The following KSR2 variants were observed in gnomAD, a reference collection of about 807,000 sequenced individuals.
KSR2 encodes the protein kinase suppressor of ras 2.
A neutral mutation model predicts 107.8 loss-of-function variants in KSR2; 25 were observed. The observed-to-expected ratio is 0.23, with a 90% confidence interval of 0.17 to 0.32. The LOEUF is 0.32. Ranked by LOEUF, KSR2 falls within the 10% of genes least tolerant of loss-of-function variation. KSR2 has a pLI of 1.00. For missense variants in KSR2, 887 were observed against 1,268.9 expected (o/e 0.70, Z 4.57); for synonymous variants, 480 against 507.0 (o/e 0.95, Z 0.71).
chr12:117,661,428 T>TAG (rs992316856), intron 5 of KSR2, among the ~76,000 whole-genome samples: 7 of 151,684 alleles, frequency 4.6e-5, no homozygotes, highest in African/African-American at 1.7e-4. Flanking sequence ...TCACAAAAAT[T>TAG]AGAGAGAGAG....
chr12:117,601,551 C>T (rs1052287385), intron 5 of KSR2, among the ~76,000 whole-genome samples: 41 of 152,096 alleles, frequency 2.7e-4, no homozygotes, highest in African/African-American at 9.7e-4. Context: ...ATCACGGAGG[C>T]AGAGACTGGA....
At chr12:117,788,753 T>A (rs1424979168) in intron 3 of KSR2, among the ~76,000 whole-genome samples, 2 of 152,192 alleles carry the variant, frequency 1.3e-5, no homozygotes, top group Non-Finnish European at 2.9e-5. Context: ...CTTCAAATGA[T>A]CCACCTGCCT....
chr12:117,645,673 G>A (rs1163043420), intron 5 of KSR2, among the ~76,000 whole-genome samples: 1 of 152,168 alleles, frequency 6.6e-6, no homozygotes, highest in African/African-American at 2.4e-5. Flanking sequence ...CTGTTTGGAA[G>A]GGGCTGTGAT....
At chr12:117,642,702 A>G (rs1883433741) in intron 5 of KSR2, among the ~76,000 whole-genome samples, 1 of 152,234 alleles carries the variant, frequency 6.6e-6, no homozygotes, top group African/African-American at 2.4e-5. Flanking sequence ...TCATTAATCA[A>G]TGATATGCTG....
At chr12:117,846,292 AT>A (rs35755364) in intron 3 of KSR2, among the ~76,000 whole-genome samples, 43,059 of 127,258 alleles carry the variant, frequency 0.34, 6,004 homozygotes, top group Admixed American at 0.41. Flanking sequence ...TTACCATTTG[AT>A]TTTTTTTTTT....
chr12:117,745,086 C>T (rs1051316316), intron 4 of KSR2, among the ~76,000 whole-genome samples: 4 of 152,102 alleles, frequency 2.6e-5, no homozygotes, highest in African/African-American at 9.7e-5. Context: ...CAGGGTCACA[C>T]AGTCAGGAAG....
At chr12:117,607,732 CA>C (rs1351394545) in intron 5 of KSR2, among the ~76,000 whole-genome samples, 1 of 150,940 alleles carries the variant, frequency 6.6e-6, no homozygotes, top group Non-Finnish European at 1.5e-5. Context: ...CCTTGATGAG[CA>C]GGGGTGACAG....
intron 3 of KSR2, among the ~76,000 whole-genome samples, chr12:117,820,014 C>A (rs1891508405): frequency 6.6e-6 from 1 of 151,706 alleles, no homozygotes; most frequent in African/African-American, 2.4e-5. Flanking sequence ...TGAAAAGACT[C>A]ACCGGAAAAT....
intron 4 of KSR2, among the ~76,000 whole-genome samples, chr12:117,728,543 C>T (rs1188588912): frequency 2.0e-5 from 3 of 152,178 alleles, no homozygotes; most frequent in Non-Finnish European, 4.4e-5. Flanking sequence ...CCCCCAGCTG[C>T]CCCACACTTC....
intron 5 of KSR2, among the ~76,000 whole-genome samples, chr12:117,589,336 C>T (rs1188542765): frequency 1.3e-5 from 2 of 152,158 alleles, no homozygotes; most frequent in African/African-American, 2.4e-5. Context: ...TTATTAAGCA[C>T]CTATTACCCA....
At chr12:117,903,001 T>C (rs1185391411) in intron 1 of KSR2, among the ~76,000 whole-genome samples, 3 of 152,216 alleles carry the variant, frequency 2.0e-5, no homozygotes, top group Non-Finnish European at 4.4e-5. Flanking sequence ...TAGGGCTTAA[T>C]GAATTGATAC....
intron 1 of KSR2, among the ~76,000 whole-genome samples, chr12:117,896,535 CT>C (rs1894517701): frequency 6.6e-6 from 1 of 151,164 alleles, no homozygotes; most frequent in Admixed American, 6.6e-5. Context: ...TCTTGGCTCA[CT>C]GCAACCTCCA....
intron 1 of KSR2, among the ~76,000 whole-genome samples, chr12:117,953,320 C>A (rs1233178633): frequency 6.6e-6 from 1 of 151,892 alleles, no homozygotes; most frequent in African/African-American, 2.4e-5. Context: ...GTGATTCTGC[C>A]CCTGGTATAC....
chr12:117,835,165 G>C lies in KSR2; in HGVS notation c.472+20263C>G, dbSNP rs539984008. Among the ~76,000 whole-genome samples, 5 of 152,348 alleles carry C rather than the reference G, an allele frequency of 3.3e-5. No homozygotes were observed. The East Asian group carries it at 9.6e-4, about 29-fold the overall frequency. The stretch of plus-strand genomic sequence containing the variant: ...CCCATAACCAGAGAAGTCAGGGGCA[G>C]AGCCAGAACCGAAGCATCCTGCCTC... On this transcript the variant is annotated intron_variant, in intron 3 of 19. Coordinates refer to ENST00000339824, the MANE Select transcript of KSR2 (RefSeq NM_173598.6).
At chr12:117,788,045 G>A (rs1462238923) in intron 3 of KSR2, among the ~76,000 whole-genome samples, 1 of 152,300 alleles carries the variant, frequency 6.6e-6, no homozygotes, top group Non-Finnish European at 1.5e-5. Context: ...GAGAAGTCTT[G>A]GAAAGAGATG....
chr12:117,715,328 C>G (rs549620867), intron 4 of KSR2, among the ~76,000 whole-genome samples: 2 of 152,270 alleles, frequency 1.3e-5, no homozygotes, highest in African/African-American at 4.8e-5. Flanking sequence ...CTCGCAGCCC[C>G]CATGAAAATA....
intron 1 of KSR2, among the ~76,000 whole-genome samples, chr12:117,894,676 G>A (rs955242760): frequency 6.7e-6 from 1 of 150,330 alleles, no homozygotes; most frequent in Non-Finnish European, 1.5e-5. Flanking sequence ...GTTTGAAAGT[G>A]CGTAGCACTT....
chr12:117,559,343 A>T lies in KSR2; in HGVS notation c.1326-770T>A, dbSNP rs140150588. 4.2e-3 allele frequency among the ~76,000 whole-genome samples: 643 copies of T among 152,288 alleles called. 6 individuals carry two copies. Among genetic ancestry groups the T allele is most frequent in the African/African-American group, 0.015 (612 of 41,552 alleles). On this transcript the variant is annotated intron_variant, in intron 7 of 19. Transcript: ENST00000339824. ...GGACTTCACGTTTTAAAAAATATCAAATATCATGCTTTTCCCATCAGCCTG... is the reference window on the plus strand; with the variant it reads ...GGACTTCACGTTTTAAAAAATATCATATATCATGCTTTTCCCATCAGCCTG...
intron 14 of KSR2, among the ~76,000 whole-genome samples, chr12:117,505,672 G>A (rs943963698): frequency 1.1e-4 from 17 of 152,194 alleles, no homozygotes; most frequent in Non-Finnish European, 5.9e-5. Context: ...GGAGAGTCAG[G>A]ATACATTAGG....
Sources: gnomAD v4.1 joint callset for allele counts (sites outside exome capture counted in the v4.1 genomes callset) on GRCh38, gnomAD v4.1.1 for gene constraint, MANE v1.5 for transcripts, NCBI Gene and HGNC (gene_info 2026-07-23, HGNC 2026-07-21) for gene names.